Variants in FSTL3 observed in about 807,000 individuals in gnomAD.
The protein encoded by FSTL3 is follistatin-related protein 3.
FSTL3 carries 21 observed loss-of-function variants against 28.1 expected under a neutral mutation model. That is an observed-to-expected ratio of 0.75 (90% CI 0.53 to 1.08). The LOEUF is 1.08. Among genes scored for constraint, FSTL3 ranks in the 50% least tolerant of loss-of-function variants. FSTL3 has a pLI of 0.00. For missense variants in FSTL3, 400 were observed against 380.9 expected (o/e 1.05, Z -0.42); for synonymous variants, 199 against 164.2 (o/e 1.21, Z -1.62).
intron 2 of FSTL3, among the ~76,000 whole-genome samples, chr19:679,604 G>A (rs1400201405): frequency 1.3e-5 from 2 of 152,364 alleles, no homozygotes; most frequent in East Asian, 3.9e-4. Flanking sequence ...GGGAAGATGC[G>A]ATAAGCCTAG....
chr19:681,238 G>C (rs562533133), intron 3 of FSTL3, 95 bp from the exon 4 acceptor site: 6 of 856,976 alleles, frequency 7.0e-6, no homozygotes, highest in African/African-American at 5.1e-5. Context: ...GAGGGTTTTC[G>C]CATCTTGGGG....
chr19:678,931 G>A (rs1194473575), intron 2 of FSTL3, among the ~76,000 whole-genome samples: 2 of 152,086 alleles, frequency 1.3e-5, no homozygotes, highest in African/African-American at 4.8e-5. Context: ...CTTGAGGTTA[G>A]GTCCTGGTGG....
At position 677,883 on chromosome 19, in the gene FSTL3, C is replaced by T; in HGVS notation, c.195C>T (p.Gly65=). 1.2e-6 allele frequency: 2 copies of T among 1,613,490 alleles called. No homozygotes were observed. Among genetic ancestry groups the T allele is most frequent in the Non-Finnish European group, 1.7e-6 (2 of 1,179,980 alleles). ...CCCGGGCCGAGTGCTGTGCCTCCGG[C>T]AACATTGACACCGCCTGGTCCAACC... The part of the protein sequence containing the change: ...DVTRAECCAS[G]NIDTAWSNLT... The change falls in exon 2 of 5, where the codon GGC becomes GGT. Residue 65 remains glycine, a synonymous_variant. Transcript: ENST00000166139.
chr19:677,448 C>G (rs1202634331), intron 1 of FSTL3, among the ~76,000 whole-genome samples: 1 of 151,972 alleles, frequency 6.6e-6, no homozygotes, highest in Non-Finnish European at 1.5e-5. Flanking sequence ...GCCTGCTGAC[C>G]CTGACATGCC....
chr19:682,300 A>G lies in FSTL3; in HGVS notation c.*592A>G, dbSNP rs2031357525. 4.0e-6 allele frequency: 1 copy of G among 251,014 alleles called. No homozygotes were observed. Among genetic ancestry groups the G allele is most frequent in the Admixed American group, 5.0e-5 (1 of 20,004 alleles). The allele number at this position is 251,014 out of a possible 1,614,324, so 15.5% of individuals were successfully genotyped here. ...TATGGAGGGTCTAGCCTGGGTGAGTATGGAGGGTCTAGCCTGGGTGTGTAT... is the reference window on the plus strand; with the variant it reads ...TATGGAGGGTCTAGCCTGGGTGAGTGTGGAGGGTCTAGCCTGGGTGTGTAT... On this transcript the variant is annotated 3_prime_UTR_variant, in exon 5 of 5. Transcript: ENST00000166139.
At position 680,473 on chromosome 19, in the gene FSTL3, C is replaced by T. The variant is rs2031305047; in HGVS notation, c.489C>T (p.Tyr163=). The T allele has an allele frequency of 8.0e-7, 1 of 1,250,760 alleles. No individual in the cohort carries two copies. The highest frequency in any genetic ancestry group is 1.0e-6 in the Non-Finnish European group (1 of 997,834). 77.5% of individuals were successfully genotyped at this position (1,250,760 alleles called of 1,614,324 possible). A position where few individuals can be genotyped will look rare whatever the true frequency, so the allele number is the denominator to read the frequency against. ...CRGHPDLSVM[Y]RGRCRKSCEH... is the part of the protein sequence containing the mutation. Reference sequence around the variant, plus strand: ...GCCACCCGGACCTGAGCGTCATGTACCGGGGCCGCTGCCGCAGTACGTGGG... The same window carrying T: ...GCCACCCGGACCTGAGCGTCATGTATCGGGGCCGCTGCCGCAGTACGTGGG... The change falls in exon 3 of 5, where the codon TAC becomes TAT. Residue 163 remains tyrosine (Y), a synonymous_variant. Coordinates refer to ENST00000166139, the MANE Select transcript of FSTL3 (RefSeq NM_005860.3).
At chr19:680,090 G>T (rs1568203167) in intron 2 of FSTL3, 184 bp from the exon 3 acceptor site, 2 of 279,806 alleles carry the variant, frequency 7.1e-6, no homozygotes, top group Non-Finnish European at 1.3e-5. Flanking sequence ...CCGGTCCCGC[G>T]CCCGGACCCT....
Position 681,454 on chromosome 19 carries a change from G to C in FSTL3, c.627G>C (p.Glu209Asp). The change falls in exon 4 of 5, where the codon GAG (glutamate) becomes GAC (aspartate). Residue 209 changes from glutamate (E) to aspartate (D), a missense_variant. Transcript: ENST00000166139. ...CTGTGCCCTCCAGCCCCGGCCAGGA[G>C]CTTTGCGGCAACAACAACGTCACCT... ...PCPVPSSPGQELCGNNNVTYI... is the reference protein window; with the variant it reads ...PCPVPSSPGQDLCGNNNVTYI... 1.2e-6 allele frequency: 2 copies of C among 1,600,274 alleles called. No homozygotes were observed. The highest frequency in any genetic ancestry group is 1.3e-5 in the African/African-American group (1 of 75,004).
chr19:681,794 C>T lies in FSTL3; in HGVS notation c.*86C>T. On this transcript the variant is annotated 3_prime_UTR_variant, in exon 5 of 5. Coordinates refer to ENST00000166139, the MANE Select transcript of FSTL3 (RefSeq NM_005860.3). ...GCCACAGCAGAGTCTAATTTATATGCCACGGACACTCCTTAGAGCCCGGAT... is the reference window on the plus strand; with the variant it reads ...GCCACAGCAGAGTCTAATTTATATGTCACGGACACTCCTTAGAGCCCGGAT... 8.6e-7 allele frequency: 1 copy of T among 1,160,872 alleles called. No individual in the cohort carries two copies. Among genetic ancestry groups the T allele is most frequent in the Non-Finnish European group, 1.3e-6 (1 of 796,714 alleles). 71.9% of individuals were successfully genotyped at this position (1,160,872 alleles called of 1,614,324 possible).
Position 680,270 on chromosome 19 carries a change from G to T in FSTL3, c.290-4G>T. 1 of 1,332,242 alleles carries T rather than the reference G, an allele frequency of 7.5e-7. No individual in the cohort carries two copies. Among genetic ancestry groups the T allele is most frequent in the East Asian group, 3.3e-5 (1 of 30,242 alleles). 82.5% of individuals were successfully genotyped at this position (1,332,242 alleles called of 1,614,324 possible). A position where few individuals can be genotyped will look rare whatever the true frequency, so the allele number is the denominator to read the frequency against. On this transcript the variant is annotated splice_region_variant and splice_polypyrimidine_tract_variant and intron_variant, in intron 2 of 4. Coordinates refer to ENST00000166139, the MANE Select transcript of FSTL3 (RefSeq NM_005860.3). ...GGCCCCACGCGCGTGTCCTCTGTCC[G>T]CAGATTCGTGCGACGGCGTGGAGTG...
At chr19:677,353 G>A (rs1487122272) in intron 1 of FSTL3, among the ~76,000 whole-genome samples, 1 of 152,006 alleles carries the variant, frequency 6.6e-6, no homozygotes, top group Non-Finnish European at 1.5e-5. Flanking sequence ...AGGCGGTGGG[G>A]GGGCTGCCAG....
At position 682,573 on chromosome 19, in the gene FSTL3, G is replaced by A. The variant is rs1295528223; in HGVS notation, c.*865G>A. On this transcript the variant is annotated 3_prime_UTR_variant, in exon 5 of 5. Coordinates refer to ENST00000166139, the MANE Select transcript of FSTL3 (RefSeq NM_005860.3). ...CCACTGCCTCTGTGTGCCCCTTTGC[G>A]TCCTGTGAAGGCCATTGAGAAATGC... The A allele has an allele frequency of 2.6e-5, 6 of 233,564 alleles. No homozygotes were observed. The highest frequency in any genetic ancestry group is 3.5e-4 in the South Asian group (2 of 5,686). 14.5% of individuals were successfully genotyped at this position (233,564 alleles called of 1,614,324 possible). A position where few individuals can be genotyped will look rare whatever the true frequency, so the allele number is the denominator to read the frequency against.
chr19:682,173 G>GGTGTGTACGGAGGGTCTAGCCTGT lies in FSTL3; in HGVS notation c.*468_*469insTGTACGGAGGGTCTAGCCTGTGTG. The GGTGTGTACGGAGGGTCTAGCCTGT allele has an allele frequency of 3.1e-6, 1 of 321,798 alleles. No homozygotes were observed. Among genetic ancestry groups the GGTGTGTACGGAGGGTCTAGCCTGT allele is most frequent in the Middle Eastern group, 9.4e-4 (1 of 1,066 alleles). The allele number at this position is 321,798 out of a possible 1,614,324, so 19.9% of individuals were successfully genotyped here. A position where few individuals can be genotyped will look rare whatever the true frequency, so the allele number is the denominator to read the frequency against. On this transcript the variant is annotated 3_prime_UTR_variant, in exon 5 of 5. Transcript: ENST00000166139. ...GGGTGTGTACGGAGGGTCTAGCCTGGGTGAGTACGGAGGGTCTAGCCTGGG... is the reference window on the plus strand; with the variant it reads ...GGGTGTGTACGGAGGGTCTAGCCTGGGTGTGTACGGAGGGTCTAGCCTGTGTGAGTACGGAGGGTCTAGCCTGGG...
chr19:678,355 G>A (rs1294425158), intron 2 of FSTL3, among the ~76,000 whole-genome samples: 1 of 152,234 alleles, frequency 6.6e-6, no homozygotes, highest in Middle Eastern at 3.2e-3. Context: ...TCCAGGGTCT[G>A]CGGTGGGGTT....
intron 3 of FSTL3, among the ~76,000 whole-genome samples, chr19:681,088 G>C (rs2144800928): frequency 6.6e-6 from 1 of 151,178 alleles, no homozygotes; most frequent in East Asian, 2.0e-4. Context: ...GGGGCTTTGG[G>C]TAGCATAAGG....
Position 681,892 on chromosome 19 carries a change from C to A in FSTL3, c.*184C>A. On this transcript the variant is annotated 3_prime_UTR_variant, in exon 5 of 5. Coordinates refer to ENST00000166139, the MANE Select transcript of FSTL3 (RefSeq NM_005860.3). ...GACTGAGGAAGGGAGGCCTGGGGGC[C>A]GGCTGGTGGGTGGGATAGACCTGCG... is the stretch of plus-strand genomic sequence containing the variant. The A allele has an allele frequency of 1.6e-6, 1 of 636,272 alleles. No homozygotes were observed. The highest frequency in any genetic ancestry group is 2.8e-6 in the Non-Finnish European group (1 of 362,094). 39.4% of individuals were successfully genotyped at this position (636,272 alleles called of 1,614,324 possible). A position where few individuals can be genotyped will look rare whatever the true frequency, so the allele number is the denominator to read the frequency against.
Position 676,429 on chromosome 19 carries a change from T to G in FSTL3, c.6T>G (p.Arg2=), listed in dbSNP as rs966660456. The G allele has an allele frequency of 1.8e-5, 22 of 1,198,754 alleles. No homozygotes were observed. The highest frequency in any genetic ancestry group is 2.3e-5 in the Non-Finnish European group (22 of 960,882). The allele number at this position is 1,198,754 out of a possible 1,614,324, so 74.3% of individuals were successfully genotyped here. M[R]PGAPGPLWPL... ...CTGCCGTCTCTGCGTTCGCCATGCG[T>G]CCCGGGGCGCCAGGGCCACTCTGGC... Residue 2 remains arginine, a synonymous_variant, in exon 1 of 5, where the codon CGT becomes CGG. Transcript: ENST00000166139.
At chr19:677,532 C>T (rs1420047770) in intron 1 of FSTL3, among the ~76,000 whole-genome samples, 3 of 18,708 alleles carry the variant, frequency 1.6e-4, no homozygotes, top group East Asian at 2.6e-3. Context: ...TTGGAGGGTA[C>T]GGGAAGGGAC....
At chr19:680,007 C>CT (rs1568203108) in intron 2 of FSTL3, 2 of 204,756 alleles carry the variant, frequency 9.8e-6, no homozygotes, top group Non-Finnish European at 1.8e-5. Context: ...AGAGACCCCC[C>CT]CCCGCCCCGG....
Sources: gnomAD v4.1 joint callset for allele counts (sites outside exome capture counted in the v4.1 genomes callset) on GRCh38, gnomAD v4.1.1 for gene constraint, MANE v1.5 for transcripts, NCBI Gene and HGNC (gene_info 2026-07-23, HGNC 2026-07-21) for gene names.